The following MTG1 variants were observed in gnomAD, a reference collection of about 807,000 sequenced individuals.
MTG1 encodes mitochondrial ribosome associated GTPase 1, also known as mitochondrial ribosome-associated GTPase 1.
A neutral mutation model predicts 39.5 loss-of-function variants in MTG1; 30 were observed. The ratio of observed to expected loss-of-function variants is 0.76; its 90% CI spans 0.57 to 1.03. The LOEUF (loss-of-function observed/expected upper bound fraction) is 1.03. Ranked by LOEUF, MTG1 falls within the 50% of genes least tolerant of loss-of-function variation. MTG1 has a pLI of 0.00. For synonymous variants in MTG1, 217 were observed against 179.0 expected, an observed-to-expected ratio of 1.21 and a Z score of -1.69; for missense variants, 513 against 447.4, an observed-to-expected ratio of 1.15 and a Z score of -1.32.
chr10:133,406,202 G>C (rs902194341), intron 9 of MTG1, among the ~76,000 whole-genome samples: 2 of 151,958 alleles, frequency 1.3e-5, no homozygotes, highest in Admixed American at 1.3e-4. Flanking sequence ...TTTTGCTGTT[G>C]AGTTGAATTG....
chr10:133,405,588 A>G (rs1170828622), intron 9 of MTG1, among the ~76,000 whole-genome samples: 5 of 152,182 alleles, frequency 3.3e-5, no homozygotes, highest in Non-Finnish European at 7.3e-5. Flanking sequence ...TAGAACATGC[A>G]TTATTTGTCT....
At chr10:133,407,616 T>C (rs185528107) in intron 9 of MTG1, among the ~76,000 whole-genome samples, 187 of 151,862 alleles carry the variant, frequency 1.2e-3, no homozygotes, top group African/African-American at 4.2e-3. Flanking sequence ...TTGCCCAGTC[T>C]GGAGTGCAAT....
At position 133,402,541 on chromosome 10, in the gene MTG1, T is replaced by C; in HGVS notation, c.671-151T>C. 2 of 761,170 alleles carry C rather than the reference T, an allele frequency of 2.6e-6. No individual in the cohort carries two copies. Among genetic ancestry groups the C allele is most frequent in the Non-Finnish European group, 4.3e-6 (2 of 465,688 alleles). 47.2% of individuals were successfully genotyped at this position (761,170 alleles called of 1,614,324 possible). The stretch of plus-strand genomic sequence containing the variant: ...AGTGGGGGCCGGGACCACAGCCGAG[T>C]GCCGTCCTCTTGGTTAGTGTCTTTG... On this transcript the variant is annotated intron_variant, in intron 8 of 10. Transcript: ENST00000317502. This position sits in a 1 kb window ranked among gnomAD's most constrained non-coding sequence, Gnocchi z 4.7.
chr10:133,419,640 T>C (rs2133520198), intron 10 of MTG1, 48 bp downstream of exon 10: 1 of 1,489,046 alleles, frequency 6.7e-7, no homozygotes, highest in Non-Finnish European at 9.2e-7. Context: ...CCCATCACCC[T>C]GGGGGACCCC....
In MTG1 at chr10:133,394,310, G is replaced by C. The variant is rs771407090; in HGVS notation, c.90G>C (p.Trp30Cys). ...TGTGCGGTCGCGACGTGGCGCGCTG[G>C]TTCCCGGGCCACATGGCCAAGGGTG... Reference protein sequence around the residue: ...FPLCGRDVARWFPGHMAKGLK... With the variant: ...FPLCGRDVARCFPGHMAKGLK... Residue 30 changes from tryptophan (W) to cysteine (C), a missense_variant, in exon 1 of 11, where the codon TGG (tryptophan) becomes TGC (cysteine). By Grantham distance (215) the Trp-to-Cys change is radical. Transcript: ENST00000317502. 1 of 1,515,802 alleles carries C rather than the reference G, an allele frequency of 6.6e-7. No homozygotes were observed. Among genetic ancestry groups the C allele is most frequent in the African/African-American group, 1.4e-5 (1 of 69,486 alleles). 93.9% of individuals were successfully genotyped at this position (1,515,802 alleles called of 1,614,324 possible).
intron 9 of MTG1, among the ~76,000 whole-genome samples, chr10:133,415,420 A>G (rs1850110555): frequency 6.7e-6 from 1 of 149,858 alleles, no homozygotes; most frequent in African/African-American, 2.4e-5. Flanking sequence ...TTTGAAAGAT[A>G]TTTTCTCTAC....
intron 9 of MTG1, among the ~76,000 whole-genome samples, chr10:133,406,680 T>TG (rs1849974824): frequency 1.3e-5 from 2 of 150,120 alleles, no homozygotes; most frequent in Admixed American, 6.6e-5. Context: ...TTTTTTTTTT[T>TG]TTTGAGAAGG....
intron 9 of MTG1, among the ~76,000 whole-genome samples, chr10:133,415,431 G>A (rs1047352083): frequency 5.3e-5 from 8 of 152,206 alleles, no homozygotes; most frequent in Admixed American, 1.3e-4. Flanking sequence ...TTTTCTCTAC[G>A]TGTAGAATTC....
rs1232203802 is a variant in MTG1, at chr10:133,402,844, CAAAA to C, written c.752+75_752+78del. 10 of 1,112,756 alleles carry C rather than the reference CAAAA, an allele frequency of 9.0e-6. No homozygotes were observed. The highest frequency in any genetic ancestry group is 7.3e-5 in the South Asian group (5 of 68,600). The allele number at this position is 1,112,756 out of a possible 1,614,324, so 68.9% of individuals were successfully genotyped here. On this transcript the variant is annotated intron_variant, in intron 9 of 10. Transcript: ENST00000317502. The surrounding 1 kb of genome is among the most constrained non-coding windows in gnomAD (Gnocchi z 4.7). ...ACCTCATTTAAAAAAAAAAAACAAACAAAAAAACCCCCAGCATTATAAAGGTATT... is the reference window on the plus strand; with the variant it reads ...ACCTCATTTAAAAAAAAAAAACAAACAAACCCCCAGCATTATAAAGGTATT...
At position 133,402,360 on chromosome 10, in the gene MTG1, G is replaced by A. The variant is rs962203584; in HGVS notation, c.670+115G>A. 2.4e-6 allele frequency: 3 copies of A among 1,251,158 alleles called. No individual in the cohort carries two copies. The African/African-American group carries it at 4.4e-5, about 18-fold the overall frequency. The allele number at this position is 1,251,158 out of a possible 1,614,324, so 77.5% of individuals were successfully genotyped here. On this transcript the variant is annotated intron_variant, in intron 8 of 10. Coordinates refer to ENST00000317502, the MANE Select transcript of MTG1 (RefSeq NM_138384.4). The surrounding 1 kb of genome is among the most constrained non-coding windows in gnomAD (Gnocchi z 4.7). ...CGGGAGTTGTTACTGCCTTTGACCTGGTTGCTGCCAGACCTTCCTCGAAGC... is the reference window on the plus strand; with the variant it reads ...CGGGAGTTGTTACTGCCTTTGACCTAGTTGCTGCCAGACCTTCCTCGAAGC...
At chr10:133,407,681 G>A (rs1461570240) in intron 9 of MTG1, among the ~76,000 whole-genome samples, 1 of 151,556 alleles carries the variant, frequency 6.6e-6, no homozygotes, top group East Asian at 1.9e-4. Context: ...CGATTCTCCT[G>A]CCTCAGCCTC....
In MTG1 at chr10:133,401,232, G is replaced by C. The variant is rs570147333; in HGVS notation, c.512-297G>C. On this transcript the variant is annotated intron_variant, in intron 6 of 10. Transcript: ENST00000317502. ...TTCCAGTCCTGGGGAGTTAGGTTCTGGTGCATTTGTTGAAGAATCTCAGTC... is the reference window on the plus strand; with the variant it reads ...TTCCAGTCCTGGGGAGTTAGGTTCTCGTGCATTTGTTGAAGAATCTCAGTC... Among the ~76,000 whole-genome samples the C allele has an allele frequency of 2.0e-5, 3 of 152,284 alleles. No homozygotes were observed. In the South Asian group the frequency reaches 6.2e-4, roughly 32 times the overall value.
At position 133,400,213 on chromosome 10, in the gene MTG1, GAAAAA is replaced by G. The variant is rs551438086; in HGVS notation, c.511+598_511+602del. On this transcript the variant is annotated intron_variant, in intron 6 of 10. Coordinates refer to ENST00000317502, the MANE Select transcript of MTG1 (RefSeq NM_138384.4). Reference sequence around the variant, plus strand: ...TCTCAAAAAAAAAAAGAAAAGAAAAGAAAAAAAATCCCTTTGATCCAGAGAATACA... The same window carrying G: ...TCTCAAAAAAAAAAAGAAAAGAAAAGAAATCCCTTTGATCCAGAGAATACA... 5.9e-5 allele frequency among the ~76,000 whole-genome samples: 9 copies of G among 152,132 alleles called. No homozygotes were observed. In the South Asian group the frequency reaches 1.7e-3, roughly 28 times the overall value.
chr10:133,405,166 C>T (rs531852423), intron 9 of MTG1, among the ~76,000 whole-genome samples: 26 of 152,204 alleles, frequency 1.7e-4, no homozygotes, highest in South Asian at 4.2e-4. Context: ...TAGTGTATCT[C>T]TTCATTTATT....
At chr10:133,401,246 A>G (rs1301090532) in intron 6 of MTG1, among the ~76,000 whole-genome samples, 1 of 152,168 alleles carries the variant, frequency 6.6e-6, no homozygotes, top group Non-Finnish European at 1.5e-5. Flanking sequence ...CATTTGTTGA[A>G]GAATCTCAGT....
chr10:133,405,560 T>G (rs557813015), intron 9 of MTG1, among the ~76,000 whole-genome samples: 10 of 152,354 alleles, frequency 6.6e-5, no homozygotes, highest in African/African-American at 2.4e-4. Flanking sequence ...TCCACGTTTT[T>G]AGCTCCCACA....
chr10:133,419,198 C>T (rs574521609), intron 9 of MTG1, among the ~76,000 whole-genome samples: 15 of 152,326 alleles, frequency 9.8e-5, no homozygotes, highest in Admixed American at 7.8e-4. Flanking sequence ...TTACTCCTCC[C>T]GCTGCGGCAA....
At chr10:133,418,137 G>A (rs1215774092) in intron 9 of MTG1, among the ~76,000 whole-genome samples, 2 of 152,210 alleles carry the variant, frequency 1.3e-5, no homozygotes, top group Non-Finnish European at 2.9e-5. Context: ...CCAAGTAGCT[G>A]GGATTACAAG....
rs557646013 is a variant in MTG1, at chr10:133,407,637, T to A, written c.752+4864T>A. 2.6e-3 allele frequency among the ~76,000 whole-genome samples: 400 copies of A among 151,990 alleles called. 1 individual carries two copies. The highest frequency in any genetic ancestry group is 9.4e-3 in the African/African-American group (389 of 41,474). On this transcript the variant is annotated intron_variant, in intron 9 of 10. Transcript: ENST00000317502. ...AGTCTGGAGTGCAATGGCATGATCT[T>A]GGCTCACCGCAACCTCCGCTTCCTG...
Sources: gnomAD v4.1 joint callset for allele counts (sites outside exome capture counted in the v4.1 genomes callset) on GRCh38, gnomAD v4.1.1 for gene constraint, Gnocchi (gnomAD v3.1) non-coding constraint, MANE v1.5 for transcripts, NCBI Gene and HGNC (gene_info 2026-07-23, HGNC 2026-07-21) for gene names.